Variants in GREB1L observed in about 807,000 individuals in gnomAD.
The protein encoded by GREB1L is GREB1 like retinoic acid receptor coactivator, also known as GREB1-like protein.
Under a neutral mutation model 200.8 loss-of-function variants are expected in GREB1L, and 17 were observed. The observed-to-expected ratio is 0.08, with a 90% CI of 0.06 to 0.13. The LOEUF (loss-of-function observed/expected upper bound fraction) is 0.13. Ranked by LOEUF, GREB1L falls within the 10% of genes least tolerant of loss-of-function variation. The pLI is 1.00. For synonymous variants in GREB1L, 789 were observed against 893.0 expected (o/e 0.88, Z 2.08); for missense variants, 1,657 against 2,367.7 (o/e 0.70, Z 6.23).
At chr18:21,335,732 C>T (rs567465465) in intron 1 of GREB1L, among the ~76,000 whole-genome samples, 2 of 150,826 alleles carry the variant, frequency 1.3e-5, no homozygotes, top group Admixed American at 6.6e-5. Context: ...GGCTCAATCT[C>T]GGCTCACTGC....
At chr18:21,424,601 C>T (rs913163874) in intron 7 of GREB1L, among the ~76,000 whole-genome samples, 1 of 151,574 alleles carries the variant, frequency 6.6e-6, no homozygotes, top group African/African-American at 2.4e-5. Context: ...GACTCTGTCT[C>T]AAAATAAAAT....
chr18:21,437,234 TG>T (rs1297265470), intron 7 of GREB1L, among the ~76,000 whole-genome samples: 1 of 152,142 alleles, frequency 6.6e-6, no homozygotes, highest in African/African-American at 2.4e-5. Context: ...TGGCCATTTT[TG>T]GAAATTTTTC....
chr18:21,257,095 A>G (rs965683769), intron 1 of GREB1L, among the ~76,000 whole-genome samples: 1 of 151,106 alleles, frequency 6.6e-6, no homozygotes, highest in African/African-American at 2.4e-5. Flanking sequence ...TCTCAGACTT[A>G]TTAGAGAGTA....
At chr18:21,449,429 G>A in intron 11 of GREB1L, 81 bp from the exon 12 acceptor site, 1 of 803,012 alleles carries the variant, frequency 1.2e-6, no homozygotes, top group Non-Finnish European at 1.9e-6. Context: ...GGCTGAGAAG[G>A]ACTGCAGGAA....
intron 1 of GREB1L, among the ~76,000 whole-genome samples, chr18:21,363,230 T>C (rs1274441341): frequency 6.9e-6 from 1 of 144,754 alleles, no homozygotes; most frequent in African/African-American, 2.6e-5. Flanking sequence ...TGAATATTGA[T>C]GAATAAAAGA....
intron 1 of GREB1L, among the ~76,000 whole-genome samples, chr18:21,344,194 T>G (rs1199928406): frequency 2.0e-5 from 3 of 152,040 alleles, no homozygotes; most frequent in Non-Finnish European, 4.4e-5. Flanking sequence ...GAGGTCAGGA[T>G]ATCGAGACCA....
chr18:21,435,391 C>T (rs916360415), intron 7 of GREB1L, among the ~76,000 whole-genome samples: 1 of 152,160 alleles, frequency 6.6e-6, no homozygotes, highest in African/African-American at 2.4e-5. Context: ...TCCCTGACCC[C>T]CCAACTTCCT....
At chr18:21,496,420 T>C (rs1351444206) in intron 20 of GREB1L, 34 bp from the exon 21 acceptor site, 6 of 1,550,360 alleles carry the variant, frequency 3.9e-6, no homozygotes, top group East Asian at 4.9e-5. Context: ...CCTGGCCAGA[T>C]AGACTCACCA....
intron 7 of GREB1L, among the ~76,000 whole-genome samples, chr18:21,419,750 C>T (rs1355311918): frequency 6.6e-6 from 1 of 152,134 alleles, no homozygotes; most frequent in Non-Finnish European, 1.5e-5. Context: ...TGCCCACCCA[C>T]AACTGACTTT....
At chr18:21,474,511 C>T (rs1446187503) in intron 16 of GREB1L, among the ~76,000 whole-genome samples, 3 of 152,186 alleles carry the variant, frequency 2.0e-5, no homozygotes, top group Non-Finnish European at 4.4e-5. Context: ...GAAATCTAGG[C>T]AGAGGCTCCC....
At chr18:21,260,647 T>C (rs1466404712) in intron 1 of GREB1L, among the ~76,000 whole-genome samples, 2 of 151,272 alleles carry the variant, frequency 1.3e-5, no homozygotes, top group African/African-American at 2.5e-5. Context: ...TTAACTCTTA[T>C]ATTTAAAGCA....
chr18:21,477,733 C>T (rs1430710159), intron 17 of GREB1L, among the ~76,000 whole-genome samples: 10 of 149,818 alleles, frequency 6.7e-5, no homozygotes, highest in Admixed American at 6.1e-4. Context: ...TTGCAGTGAG[C>T]GGAGATTGTG....
intron 4 of GREB1L, among the ~76,000 whole-genome samples, chr18:21,389,339 T>G (rs2040689535): frequency 6.8e-6 from 1 of 147,988 alleles, no homozygotes; most frequent in Non-Finnish European, 1.5e-5. Flanking sequence ...GTGGGTTTTT[T>G]TTTTTTTTTT....
intron 1 of GREB1L, among the ~76,000 whole-genome samples, chr18:21,321,241 G>T (rs1424885259): frequency 6.6e-6 from 1 of 152,014 alleles, no homozygotes. Context: ...GTTTCAGTGA[G>T]CCAAGATCAC....
Position 21,470,603 on chromosome 18 carries a change from C to T in GREB1L, c.2183-2428C>T, listed in dbSNP as rs370790416. ...ATCAACTAAATTCTTATTGATTCATCCATAGATTATTTTGTGTTTTCTACA... is the reference window on the plus strand; with the variant it reads ...ATCAACTAAATTCTTATTGATTCATTCATAGATTATTTTGTGTTTTCTACA... On this transcript the variant is annotated intron_variant, in intron 15 of 32. Coordinates refer to ENST00000424526, the MANE Select transcript of GREB1L (RefSeq NM_001142966.3). 6.6e-5 allele frequency among the ~76,000 whole-genome samples: 10 copies of T among 152,010 alleles called. No homozygotes were observed. In the East Asian group the frequency reaches 1.4e-3, roughly 21 times the overall value.
At chr18:21,357,783 G>T (rs915798667) in intron 1 of GREB1L, among the ~76,000 whole-genome samples, 3 of 152,110 alleles carry the variant, frequency 2.0e-5, no homozygotes, top group Admixed American at 1.3e-4. Context: ...CCATAAATGC[G>T]TGGATTAATT....
At chr18:21,337,215 C>CTAAA (rs1193445028) in intron 1 of GREB1L, among the ~76,000 whole-genome samples, 1 of 152,110 alleles carries the variant, frequency 6.6e-6, no homozygotes, top group Non-Finnish European at 1.5e-5. Context: ...TCTTCAGATC[C>CTAAA]TAAGCATACT....
At chr18:21,268,578 T>C (rs1291874048) in intron 1 of GREB1L, among the ~76,000 whole-genome samples, 28 of 131,596 alleles carry the variant, frequency 2.1e-4, no homozygotes, top group South Asian at 9.4e-4. Flanking sequence ...TATATATATA[T>C]ATATATATAT....
At chr18:21,260,199 T>TTCAGCA (rs1309412014) in intron 1 of GREB1L, among the ~76,000 whole-genome samples, 1 of 152,010 alleles carries the variant, frequency 6.6e-6, no homozygotes, top group African/African-American at 2.4e-5. Context: ...TCAGCAATTT[T>TTCAGCA]ATATCACTGA....
Sources: allele counts gnomAD v4.1 joint callset (sites outside exome capture counted in the v4.1 genomes callset), GRCh38; gene constraint gnomAD v4.1.1; transcripts MANE v1.5; gene names NCBI Gene and HGNC (gene_info 2026-07-23, HGNC 2026-07-21).